Variants in NXPH2 observed in about 807,000 individuals in gnomAD.
NXPH2 encodes the protein neurexophilin 2.
Under a neutral mutation model 19.8 loss-of-function variants are expected in NXPH2, and 5 were observed. That is an observed-to-expected ratio of 0.25 (90% CI 0.13 to 0.53). NXPH2 has a LOEUF of 0.53. Among genes scored for constraint, NXPH2 ranks in the 20% least tolerant of loss-of-function variants. NXPH2 has a pLI of 0.96. For missense variants in NXPH2, 289 were observed against 322.8 expected, an observed-to-expected ratio of 0.90 and a Z score of 0.80; for synonymous variants, 154 against 127.4, an observed-to-expected ratio of 1.21 and a Z score of -1.41.
chr2:138,736,238 CCAG>C (rs1184938195), intron 1 of NXPH2, among the ~76,000 whole-genome samples: 1 of 152,212 alleles, frequency 6.6e-6, no homozygotes, highest in African/African-American at 2.4e-5. Context: ...CTGCACTTCC[CCAG>C]CAGAGGTTCT....
In NXPH2 at chr2:138,722,481, A is replaced by T. The variant is rs79212827; in HGVS notation, c.52-50816T>A. Reference sequence around the variant, plus strand: ...AGCATGGGCAAGCGTCCAGGCCAGGATCTTCTCTAACTGACCAGAGCAACA... The same window carrying T: ...AGCATGGGCAAGCGTCCAGGCCAGGTTCTTCTCTAACTGACCAGAGCAACA... On this transcript the variant is annotated intron_variant, in intron 1 of 1. Transcript: ENST00000272641. 3.7e-3 allele frequency among the ~76,000 whole-genome samples: 557 copies of T among 152,338 alleles called. 3 individuals are homozygous for T. The highest frequency in any genetic ancestry group is 0.012 in the African/African-American group (508 of 41,576).
chr2:138,747,908 T>C (rs370012313), intron 1 of NXPH2, among the ~76,000 whole-genome samples: 2 of 152,178 alleles, frequency 1.3e-5, no homozygotes, highest in African/African-American at 4.8e-5. Context: ...AGCTCTATTT[T>C]CTCCTCCACA....
chr2:138,703,316 C>A (rs114558697), intron 1 of NXPH2, among the ~76,000 whole-genome samples: 4 of 152,136 alleles, frequency 2.6e-5, no homozygotes, highest in South Asian at 2.1e-4. Flanking sequence ...AACTAATGAA[C>A]GTCTCCCAGC....
chr2:138,687,285 G>T (rs1425221715), intron 1 of NXPH2, among the ~76,000 whole-genome samples: 3 of 152,148 alleles, frequency 2.0e-5, no homozygotes, highest in Non-Finnish European at 4.4e-5. Flanking sequence ...GTTTTGATTT[G>T]CATTTCTCTG....
chr2:138,675,955 ATG>A (rs61124904), intron 1 of NXPH2, among the ~76,000 whole-genome samples: 20,337 of 150,258 alleles, frequency 0.14, 1,620 homozygotes, highest in East Asian at 0.36. Context: ...ATATATACAT[ATG>A]TGTGTGTGTG....
intron 1 of NXPH2, among the ~76,000 whole-genome samples, chr2:138,749,830 T>C (rs979645365): frequency 6.6e-6 from 1 of 152,162 alleles, no homozygotes; most frequent in Admixed American, 6.5e-5. Context: ...GCAAATATTC[T>C]TCTACAAACT....
chr2:138,722,418 C>T (rs1157731637), intron 1 of NXPH2, among the ~76,000 whole-genome samples: 2 of 152,130 alleles, frequency 1.3e-5, no homozygotes, highest in African/African-American at 2.4e-5. Context: ...GTGGTTGGAG[C>T]GGAGCCTGGG....
At chr2:138,760,058 A>T (rs1044996052) in intron 1 of NXPH2, among the ~76,000 whole-genome samples, 1 of 152,160 alleles carries the variant, frequency 6.6e-6, no homozygotes, top group African/African-American at 2.4e-5. Context: ...GTGTTTAAGA[A>T]TCATTCTGAA....
At chr2:138,778,062 G>A (rs1682293925) in intron 1 of NXPH2, among the ~76,000 whole-genome samples, 2 of 152,070 alleles carry the variant, frequency 1.3e-5, no homozygotes, top group African/African-American at 4.8e-5. Context: ...ACTGGAGTAG[G>A]GCATATGCTG....
At chr2:138,760,025 G>A (rs923153751) in intron 1 of NXPH2, among the ~76,000 whole-genome samples, 4 of 152,052 alleles carry the variant, frequency 2.6e-5, no homozygotes, top group African/African-American at 9.7e-5. Context: ...CACAGAGCCC[G>A]GCCGCCACCC....
At chr2:138,718,365 T>C (rs527617363) in intron 1 of NXPH2, among the ~76,000 whole-genome samples, 2 of 152,126 alleles carry the variant, frequency 1.3e-5, no homozygotes, top group Non-Finnish European at 2.9e-5. Context: ...CAGTGGACAC[T>C]AAAACTCAAA....
intron 1 of NXPH2, among the ~76,000 whole-genome samples, chr2:138,726,643 A>G (rs1247572146): frequency 6.6e-6 from 1 of 152,052 alleles, no homozygotes; most frequent in Non-Finnish European, 1.5e-5. Flanking sequence ...TTTATTTTAT[A>G]GAGCAGTTTT....
In NXPH2 at chr2:138,693,781, A is replaced by G. The variant is rs539473618; in HGVS notation, c.52-22116T>C. 3.9e-5 allele frequency among the ~76,000 whole-genome samples: 6 copies of G among 152,282 alleles called. No homozygotes were observed. The East Asian group carries it at 1.2e-3, about 29-fold the overall frequency. On this transcript the variant is annotated intron_variant, in intron 1 of 1. Transcript: ENST00000272641. ...AGAGTTCTAACCATGAGGACTGCCC[A>G]TCAACAGAACAGCCTGCTCCAGCCT...
At chr2:138,717,397 C>T (rs1486458331) in intron 1 of NXPH2, among the ~76,000 whole-genome samples, 1 of 151,530 alleles carries the variant, frequency 6.6e-6, no homozygotes, top group Non-Finnish European at 1.5e-5. Flanking sequence ...GCAACAGAAA[C>T]ATCTCACAGT....
rs78753973 is a variant in NXPH2, at chr2:138,734,554, A to C, written c.51+45637T>G. ...TACTTGAGCTGAATTTTAAAAAAGG[A>C]ATACCTCCTTGTAGAAGGATGGAAT... is the stretch of plus-strand genomic sequence containing the variant. On this transcript the variant is annotated intron_variant, in intron 1 of 1. Coordinates refer to ENST00000272641, the MANE Select transcript of NXPH2 (RefSeq NM_007226.3). Among the ~76,000 whole-genome samples, 777 of 152,288 alleles carry C rather than the reference A, an allele frequency of 5.1e-3. 5 individuals carry two copies. The highest frequency in any genetic ancestry group is 0.018 in the African/African-American group (732 of 41,554).
chr2:138,706,437 GA>G (rs1211500106), intron 1 of NXPH2, among the ~76,000 whole-genome samples: 1 of 152,154 alleles, frequency 6.6e-6, no homozygotes, highest in African/African-American at 2.4e-5. Flanking sequence ...CAAGTATCCC[GA>G]ATGCACACAG....
intron 1 of NXPH2, among the ~76,000 whole-genome samples, chr2:138,728,946 C>G (rs951545456): frequency 2.0e-5 from 3 of 152,138 alleles, no homozygotes; most frequent in African/African-American, 7.2e-5. Flanking sequence ...TGGCCTTAAA[C>G]CTTAATAAGG....
chr2:138,777,050 T>C (rs1360133604), intron 1 of NXPH2, among the ~76,000 whole-genome samples: 1 of 149,458 alleles, frequency 6.7e-6, no homozygotes, highest in East Asian at 1.9e-4. Flanking sequence ...AAATTTTATC[T>C]TAAACGTTAG....
chr2:138,761,855 G>C (rs1682023043), intron 1 of NXPH2, among the ~76,000 whole-genome samples: 2 of 152,178 alleles, frequency 1.3e-5, no homozygotes, highest in African/African-American at 4.8e-5. Context: ...TTAAAGTACT[G>C]ATCAGTGTTC....
Sources: allele counts gnomAD v4.1 joint callset (sites outside exome capture counted in the v4.1 genomes callset), GRCh38; gene constraint gnomAD v4.1.1; transcripts MANE v1.5; gene names NCBI Gene and HGNC (gene_info 2026-07-23, HGNC 2026-07-21).